The following GPR176 variants were observed in gnomAD, a reference collection of about 807,000 sequenced individuals.
GPR176 encodes G-protein coupled receptor 176.
GPR176 carries 26 observed loss-of-function variants against 35.4 expected under a neutral mutation model. The observed-to-expected ratio is 0.74, with a 90% CI of 0.54 to 1.02. The LOEUF (loss-of-function observed/expected upper bound fraction) is 1.02. GPR176 is among the 50% of genes least tolerant of loss of function. The pLI, the probability that GPR176 is intolerant of heterozygous loss-of-function variation, is 0.00. For missense variants in GPR176, 597 were observed against 665.3 expected (o/e 0.90, Z 1.13); for synonymous variants, 278 against 271.3 (o/e 1.02, Z -0.24).
chr15:39,860,263 G>C (rs1235787307), intron 1 of GPR176, among the ~76,000 whole-genome samples: 1 of 152,232 alleles, frequency 6.6e-6, no homozygotes, highest in African/African-American at 2.4e-5. Flanking sequence ...TAAAGGCCGG[G>C]GTTCAGGCTG....
chr15:39,843,662 G>T (rs2030194769), intron 1 of GPR176, among the ~76,000 whole-genome samples: 1 of 152,104 alleles, frequency 6.6e-6, no homozygotes, highest in Non-Finnish European at 1.5e-5. Context: ...TGTCATCTGG[G>T]TTTATAATAC....
At chr15:39,843,896 T>C (rs1334927153) in intron 1 of GPR176, among the ~76,000 whole-genome samples, 1 of 152,138 alleles carries the variant, frequency 6.6e-6, no homozygotes, top group Non-Finnish European at 1.5e-5. Context: ...AGGGGAGGCC[T>C]ATAAAGCTTA....
intron 1 of GPR176, among the ~76,000 whole-genome samples, chr15:39,890,679 A>C (rs919575960): frequency 6.6e-5 from 10 of 152,212 alleles, no homozygotes; most frequent in Non-Finnish European, 1.5e-4. Flanking sequence ...CACACACACA[A>C]GTGTTCAATA....
chr15:39,838,632 G>A (rs1278232577), intron 1 of GPR176, among the ~76,000 whole-genome samples: 2 of 151,952 alleles, frequency 1.3e-5, no homozygotes, highest in East Asian at 1.9e-4. Context: ...AAATTCAACA[G>A]CCCTTCATGC....
intron 1 of GPR176, among the ~76,000 whole-genome samples, chr15:39,912,562 G>A (rs929361599): frequency 6.0e-5 from 9 of 150,792 alleles, no homozygotes; most frequent in African/African-American, 2.2e-4. Flanking sequence ...AGGCTGCAAC[G>A]AGCTGTGATC....
chr15:39,807,483 G>C (rs1003015446), intron 1 of GPR176: 1 of 1,216,624 alleles, frequency 8.2e-7, no homozygotes. Flanking sequence ...TTTTAGTGGT[G>C]AGTTTCTCTA....
rs1171866587 is a variant in GPR176, at chr15:39,801,319, C to A, written c.1361G>T (p.Gly454Val). Residue 454 changes from glycine (G) to valine (V), a missense_variant, in exon 3 of 3, where the codon GGC (glycine) becomes GTC (valine). This residue lies in a region of GPR176 where 251 missense variants were observed against 255.4 expected (regional missense o/e 0.98). Coordinates refer to ENST00000561100, the MANE Select transcript of GPR176 (RefSeq NM_007223.3). ...TFPDKYSLQF[G>V]FGPFELPPQW... Reference sequence around the variant, plus strand: ...AGGAGGCAACTCAAAAGGCCCAAAGCCAAACTGCAGGGAATACTTATCAGG... The same window carrying A: ...AGGAGGCAACTCAAAAGGCCCAAAGACAAACTGCAGGGAATACTTATCAGG... The A allele has an allele frequency of 6.2e-7, 1 of 1,614,174 alleles. No individual in the cohort carries two copies. The highest frequency in any genetic ancestry group is 1.1e-5 in the South Asian group (1 of 91,080).
At position 39,877,446 on chromosome 15, in the gene GPR176, T is replaced by C. The variant is rs370779450; in HGVS notation, c.172+42409A>G. 5.9e-5 allele frequency among the ~76,000 whole-genome samples: 9 copies of C among 152,306 alleles called. No individual in the cohort carries two copies. In the East Asian group the frequency reaches 1.7e-3, roughly 29 times the overall value. Reference sequence around the variant, plus strand: ...ATGTGAGCAAATATTTTTCTAAACATTTTATTGCCTTGTATTAAATTAGCA... The same window carrying C: ...ATGTGAGCAAATATTTTTCTAAACACTTTATTGCCTTGTATTAAATTAGCA... On this transcript the variant is annotated intron_variant, in intron 1 of 2. Coordinates refer to ENST00000561100, the MANE Select transcript of GPR176 (RefSeq NM_007223.3).
chr15:39,890,638 A>G (rs2032837354), intron 1 of GPR176, among the ~76,000 whole-genome samples: 1 of 152,230 alleles, frequency 6.6e-6, no homozygotes, highest in African/African-American at 2.4e-5. Flanking sequence ...TTTGCTTAGC[A>G]AATATTCATT....
intron 1 of GPR176, among the ~76,000 whole-genome samples, chr15:39,842,520 C>T (rs2030081077): frequency 6.6e-6 from 1 of 151,980 alleles, no homozygotes; most frequent in South Asian, 2.1e-4. Flanking sequence ...GGAGGTGGGG[C>T]CTTTGAGAGG....
chr15:39,879,184 A>G (rs761416608), intron 1 of GPR176, among the ~76,000 whole-genome samples: 1 of 152,250 alleles, frequency 6.6e-6, no homozygotes, highest in Non-Finnish European at 1.5e-5. Context: ...TGAGGCCTTA[A>G]AAGTTTAAGT....
rs2033274486 is a variant in GPR176, at chr15:39,901,454, TAAAAGATG to T, written c.172+18393_172+18400del. Among the ~76,000 whole-genome samples the T allele has an allele frequency of 1.8e-4, 28 of 152,332 alleles. 2 individuals carry two copies. In the South Asian group the frequency reaches 5.0e-3, roughly 27 times the overall value. On this transcript the variant is annotated intron_variant, in intron 1 of 2. Transcript: ENST00000561100. ...TCAGCCCTTAAGCAACACTAGTTATTAAAAGATGGGTAGGACTGGTACCAATAACCCCA... is the reference window on the plus strand; with the variant it reads ...TCAGCCCTTAAGCAACACTAGTTATTGGTAGGACTGGTACCAATAACCCCA...
At chr15:39,918,684 C>CA (rs2033791990) in intron 1 of GPR176, among the ~76,000 whole-genome samples, 1 of 151,888 alleles carries the variant, frequency 6.6e-6, no homozygotes, top group African/African-American at 2.4e-5. Context: ...CACACACACA[C>CA]CCCTAGATAT....
chr15:39,817,041 C>A, intron 1 of GPR176, among the ~76,000 whole-genome samples: 1 of 126,578 alleles, frequency 7.9e-6, no homozygotes. Flanking sequence ...TGGACTCCAG[C>A]CTTGGTAACA....
At chr15:39,866,102 G>T (rs913368240) in intron 1 of GPR176, among the ~76,000 whole-genome samples, 2 of 151,992 alleles carry the variant, frequency 1.3e-5, no homozygotes, top group Non-Finnish European at 2.9e-5. Context: ...GTGTAGAAAA[G>T]AATATATGGT....
intron 1 of GPR176, among the ~76,000 whole-genome samples, chr15:39,836,150 A>T (rs538704447): frequency 6.6e-6 from 1 of 152,176 alleles, no homozygotes; most frequent in African/African-American, 2.4e-5. Flanking sequence ...ATTGTTCTGG[A>T]AAGAGTGGAA....
Position 39,801,513 on chromosome 15 carries a change from C to G in GPR176, c.1167G>C (p.Glu389Asp). ...CTGAGCCAATGTACTTGGCCTCACT[C>G]TCTTCCTCATCCTCTGTGGGCTTAA... ...QIFKPTEDEE[E>D]SEAKYIGSAD... Residue 389 changes from glutamate to aspartate, a missense_variant, in exon 3 of 3, where the codon GAG becomes GAC. Glu to Asp is a conservative substitution (Grantham distance 45). This residue lies in a region of GPR176 where 251 missense variants were observed against 255.4 expected (regional missense o/e 0.98). Coordinates refer to ENST00000561100, the MANE Select transcript of GPR176 (RefSeq NM_007223.3). 1 of 1,614,238 alleles carries G rather than the reference C, an allele frequency of 6.2e-7. No homozygotes were observed. The highest frequency in any genetic ancestry group is 8.5e-7 in the Non-Finnish European group (1 of 1,180,034).
intron 1 of GPR176, among the ~76,000 whole-genome samples, chr15:39,872,119 T>C (rs569456662): frequency 6.6e-6 from 1 of 152,358 alleles, no homozygotes; most frequent in African/African-American, 2.4e-5. Context: ...GGTTGGAATA[T>C]GCTGGTGGCA....
intron 1 of GPR176, among the ~76,000 whole-genome samples, chr15:39,893,694 C>T (rs2032962352): frequency 1.3e-5 from 2 of 151,518 alleles, no homozygotes; most frequent in Admixed American, 1.3e-4. Context: ...GCAGAGGCGC[C>T]CATCACCTCC....
Sources: gnomAD v4.1 joint callset for allele counts (sites outside exome capture counted in the v4.1 genomes callset) on GRCh38, gnomAD v4.1.1 for gene constraint, gnomAD v4.1.1 regional missense constraint, MANE v1.5 for transcripts, NCBI Gene and HGNC (gene_info 2026-07-23, HGNC 2026-07-21) for gene names.